KCNJ6: variants seen among roughly 807,000 people sequenced by gnomAD.
KCNJ6 encodes the protein G protein-activated inward rectifier potassium channel 2.
In KCNJ6, 9 loss-of-function variants were observed where a neutral mutation model predicts 34.2. The ratio of observed to expected loss-of-function variants is 0.26; its 90% CI spans 0.16 to 0.46. KCNJ6 has a LOEUF of 0.46. KCNJ6 is among the 20% of genes least tolerant of loss of function. The pLI is 1.00. For synonymous variants in KCNJ6, 196 were observed against 207.1 expected (o/e 0.95, Z 0.46); for missense variants, 236 against 531.3 (o/e 0.44, Z 5.46).
intron 1 of KCNJ6, among the ~76,000 whole-genome samples, chr21:37,886,822 G>T (rs1347181999): frequency 6.6e-6 from 1 of 151,998 alleles, no homozygotes; most frequent in Admixed American, 6.6e-5. Context: ...TGACTTTCAG[G>T]TATCTTTTCC....
At chr21:37,851,542 T>A (rs774940877) in intron 1 of KCNJ6, among the ~76,000 whole-genome samples, 1 of 152,240 alleles carries the variant, frequency 6.6e-6, no homozygotes, top group Non-Finnish European at 1.5e-5. Context: ...AGCTTGAACT[T>A]CTGTTTGGAT....
intron 2 of KCNJ6, among the ~76,000 whole-genome samples, chr21:37,826,991 A>G (rs561206911): frequency 4.9e-4 from 74 of 152,128 alleles, no homozygotes; most frequent in African/African-American, 1.7e-3. Context: ...GGACTCAGCG[A>G]CTCTCAGGAG....
intron 3 of KCNJ6, among the ~76,000 whole-genome samples, chr21:37,665,343 T>C (rs1356624187): frequency 6.6e-6 from 1 of 152,170 alleles, no homozygotes; most frequent in Non-Finnish European, 1.5e-5. Flanking sequence ...CAGTCGTCTG[T>C]ATAAGTCCAT....
At chr21:37,632,215 G>C (rs1317959856) in intron 3 of KCNJ6, among the ~76,000 whole-genome samples, 1 of 136,346 alleles carries the variant, frequency 7.3e-6, no homozygotes, top group Non-Finnish European at 1.7e-5. Context: ...TGCATGCACA[G>C]GACGGAAAAC....
chr21:37,864,906 T>C (rs2055614709), intron 1 of KCNJ6, among the ~76,000 whole-genome samples: 1 of 151,280 alleles, frequency 6.6e-6, no homozygotes, highest in African/African-American at 2.4e-5. Flanking sequence ...GGTCTTGTTG[T>C]ATTGCCCAGG....
chr21:37,770,341 C>T (rs1449634996), intron 2 of KCNJ6, among the ~76,000 whole-genome samples: 3 of 151,896 alleles, frequency 2.0e-5, no homozygotes, highest in Non-Finnish European at 2.9e-5. Context: ...AGGTGCTCTA[C>T]ACTCTAAAAG....
intron 3 of KCNJ6, among the ~76,000 whole-genome samples, chr21:37,702,423 A>C (rs1196485383): frequency 6.6e-6 from 1 of 152,140 alleles, no homozygotes; most frequent in African/African-American, 2.4e-5. Context: ...AGGGACTGAG[A>C]TGAATCTCCG....
chr21:37,893,577 G>T (rs1479475341), intron 1 of KCNJ6, among the ~76,000 whole-genome samples: 1 of 151,608 alleles, frequency 6.6e-6, no homozygotes, highest in African/African-American at 2.4e-5. Context: ...CTCGGCTCCA[G>T]CACTGTGTGT....
chr21:37,882,201 T>C (rs532235433), intron 1 of KCNJ6, among the ~76,000 whole-genome samples: 1 of 152,298 alleles, frequency 6.6e-6, no homozygotes, highest in Admixed American at 6.5e-5. Context: ...CAGGATGGTT[T>C]TTCTGTCCTG....
chr21:37,846,633 C>T (rs944805946), intron 1 of KCNJ6, among the ~76,000 whole-genome samples: 2 of 151,536 alleles, frequency 1.3e-5, no homozygotes, highest in African/African-American at 4.9e-5. Context: ...TATTTCAAAC[C>T]GGTTATATTT....
chr21:37,837,902 T>C (rs1162383069), intron 2 of KCNJ6, among the ~76,000 whole-genome samples: 1 of 152,224 alleles, frequency 6.6e-6, no homozygotes, highest in African/African-American at 2.4e-5. Context: ...TTAATTTAAA[T>C]GAAATGTTTG....
At chr21:37,888,749 G>A (rs760441186) in intron 1 of KCNJ6, among the ~76,000 whole-genome samples, 6 of 152,206 alleles carry the variant, frequency 3.9e-5, no homozygotes, top group Non-Finnish European at 7.3e-5. Context: ...TTGTTCATAC[G>A]TGGCCCAGAG....
At chr21:37,860,811 TTCACTCCCTCA>T (rs1340236092) in intron 1 of KCNJ6, among the ~76,000 whole-genome samples, 2 of 152,226 alleles carry the variant, frequency 1.3e-5, no homozygotes, top group Non-Finnish European at 2.9e-5. Context: ...AGTTCCCATC[TTCACTCCCTCA>T]TCACTTCCCA....
intron 3 of KCNJ6, among the ~76,000 whole-genome samples, chr21:37,697,706 T>C (rs1396655375): frequency 1.3e-5 from 2 of 152,210 alleles, no homozygotes; most frequent in Non-Finnish European, 2.9e-5. Context: ...TGTGATTGGA[T>C]GCATTTTCAA....
At chr21:37,770,620 C>T (rs532524357) in intron 2 of KCNJ6, among the ~76,000 whole-genome samples, 108 of 152,230 alleles carry the variant, frequency 7.1e-4, no homozygotes, top group Middle Eastern at 3.4e-3. Flanking sequence ...CTGATAATGG[C>T]CCCGGCCTTT....
intron 2 of KCNJ6, among the ~76,000 whole-genome samples, chr21:37,821,876 A>G (rs189438793): frequency 3.3e-5 from 5 of 152,306 alleles, no homozygotes; most frequent in Non-Finnish European, 7.3e-5. Context: ...GTTTTCCTGT[A>G]ATGGTTTTGG....
intron 1 of KCNJ6, among the ~76,000 whole-genome samples, chr21:37,860,393 C>T (rs1407796876): frequency 2.0e-5 from 3 of 152,200 alleles, no homozygotes; most frequent in Non-Finnish European, 4.4e-5. Flanking sequence ...CCTCCTTTCT[C>T]GCCTGGTCTA....
intron 3 of KCNJ6, among the ~76,000 whole-genome samples, chr21:37,650,530 C>T (rs2054428454): frequency 6.6e-6 from 1 of 152,212 alleles, no homozygotes; most frequent in African/African-American, 2.4e-5. Flanking sequence ...TCCTGCGTGT[C>T]ATTCCCCTGC....
In KCNJ6 at chr21:37,617,311, C is replaced by A. The variant is rs1313606907; in HGVS notation, c.*7848G>T. The A allele has an allele frequency of 6.6e-6, 1 of 151,718 alleles. No homozygotes were observed. Among genetic ancestry groups the A allele is most frequent in the Admixed American group, 6.6e-5 (1 of 15,206 alleles). 9.4% of individuals were successfully genotyped at this position (151,718 alleles called of 1,614,324 possible). A position where few individuals can be genotyped will look rare whatever the true frequency, so the allele number is the denominator to read the frequency against. Reference sequence around the variant, plus strand: ...TCAGCTTACTGCAACCTCCCCCTCCCAAGTTTAAGCTATTCTTGTGCCTCA... The same window carrying A: ...TCAGCTTACTGCAACCTCCCCCTCCAAAGTTTAAGCTATTCTTGTGCCTCA... On this transcript the variant is annotated 3_prime_UTR_variant, in exon 4 of 4. Transcript: ENST00000609713.
Sources: allele counts gnomAD v4.1 joint callset (sites outside exome capture counted in the v4.1 genomes callset), GRCh38; gene constraint gnomAD v4.1.1; transcripts MANE v1.5; gene names NCBI Gene and HGNC (gene_info 2026-07-23, HGNC 2026-07-21).